Variants in UBR1 observed in about 807,000 individuals in gnomAD.
UBR1 encodes E3 ubiquitin-protein ligase UBR1.
In UBR1, 102 loss-of-function variants were observed where a neutral mutation model predicts 242.1. That is an observed-to-expected ratio of 0.42 (90% CI 0.36 to 0.50). The LOEUF is 0.50. UBR1 is among the 20% of genes least tolerant of loss of function. UBR1 has a pLI of 0.01. For missense variants in UBR1, 1,772 were observed against 2,101.8 expected, an observed-to-expected ratio of 0.84 and a Z score of 3.07; for synonymous variants, 675 against 684.8, an observed-to-expected ratio of 0.99 and a Z score of 0.22.
chr15:43,073,501 C>T (rs1478335184), intron 4 of UBR1, among the ~76,000 whole-genome samples: 1 of 152,150 alleles, frequency 6.6e-6, no homozygotes, highest in East Asian at 1.9e-4. Context: ...ACTAGAGATA[C>T]TTGGTTACCA....
chr15:43,042,961 C>T (rs1029223535), intron 15 of UBR1, among the ~76,000 whole-genome samples: 3 of 152,212 alleles, frequency 2.0e-5, no homozygotes, highest in African/African-American at 4.8e-5. Context: ...TGAGTTACCA[C>T]GTTAGTCCTT....
intron 2 of UBR1, among the ~76,000 whole-genome samples, chr15:43,083,391 G>C (rs1198391013): frequency 6.6e-6 from 1 of 151,058 alleles, no homozygotes; most frequent in East Asian, 1.9e-4. Flanking sequence ...TTTTTCTTTT[G>C]AGACAATCTC....
At chr15:43,005,086 G>A (rs2032790373) in intron 30 of UBR1, among the ~76,000 whole-genome samples, 1 of 152,006 alleles carries the variant, frequency 6.6e-6, no homozygotes, top group Non-Finnish European at 1.5e-5. Flanking sequence ...TCTGGGATGT[G>A]AGGAGTGTCT....
At chr15:43,029,062 G>T (rs2033217320) in intron 21 of UBR1, among the ~76,000 whole-genome samples, 1 of 151,862 alleles carries the variant, frequency 6.6e-6, no homozygotes, top group Non-Finnish European at 1.5e-5. Context: ...TCCAGCCTGG[G>T]TGACAGAGCG....
chr15:43,085,250 T>A (rs566112380), intron 2 of UBR1, among the ~76,000 whole-genome samples: 1 of 152,362 alleles, frequency 6.6e-6, no homozygotes, highest in Admixed American at 6.5e-5. Flanking sequence ...TTATGAATAT[T>A]CACAGATTTC....
chr15:43,099,909 TCTGTCGCCCAGA>T (rs945914749), intron 1 of UBR1, among the ~76,000 whole-genome samples: 1 of 150,526 alleles, frequency 6.6e-6, no homozygotes, highest in African/African-American at 2.5e-5. Context: ...GGAGTCTCAC[TCTGTCGCCCAGA>T]CTGGAGTGCA....
chr15:43,077,245 TG>T (rs1407777299), intron 3 of UBR1, among the ~76,000 whole-genome samples: 3 of 152,038 alleles, frequency 2.0e-5, no homozygotes, highest in Admixed American at 6.5e-5. Context: ...AGAAATCGGA[TG>T]GTTGCCGGGT....
intron 39 of UBR1, among the ~76,000 whole-genome samples, chr15:42,975,976 C>G (rs1173815362): frequency 6.6e-6 from 1 of 152,116 alleles, no homozygotes; most frequent in Non-Finnish European, 1.5e-5. Flanking sequence ...CCTTGGCCTC[C>G]CAAAGTACTG....
At chr15:43,065,537 T>G (rs961324623) in intron 6 of UBR1, among the ~76,000 whole-genome samples, 19 of 151,844 alleles carry the variant, frequency 1.3e-4, no homozygotes, top group Admixed American at 1.3e-4. Flanking sequence ...GGCCCCAGAG[T>G]GTGTTGTTCC....
chr15:43,001,953 AT>A (rs141567758), intron 32 of UBR1, among the ~76,000 whole-genome samples: 2 of 151,854 alleles, frequency 1.3e-5, no homozygotes, highest in African/African-American at 4.8e-5. Context: ...AAAGGAATGA[AT>A]TTTTTTTGCA....
intron 40 of UBR1, among the ~76,000 whole-genome samples, chr15:42,967,164 C>T (rs1386322466): frequency 1.3e-5 from 2 of 151,138 alleles, no homozygotes; most frequent in Admixed American, 6.6e-5. Flanking sequence ...GTGATCCGCC[C>T]GCCTCAGCCT....
chr15:43,065,587 T>C (rs970147706), intron 6 of UBR1, among the ~76,000 whole-genome samples: 1 of 152,198 alleles, frequency 6.6e-6, no homozygotes, highest in African/African-American at 2.4e-5. Context: ...CAGCTCCACT[T>C]ATAAATGACA....
intron 6 of UBR1, among the ~76,000 whole-genome samples, chr15:43,062,335 A>G (rs1221571383): frequency 6.6e-6 from 1 of 152,010 alleles, no homozygotes; most frequent in East Asian, 1.9e-4. Context: ...ATATATGTGT[A>G]TATATATATA....
At chr15:43,031,621 A>G (rs1360550476) in intron 20 of UBR1, among the ~76,000 whole-genome samples, 2 of 152,242 alleles carry the variant, frequency 1.3e-5, no homozygotes, top group African/African-American at 4.8e-5. Flanking sequence ...AAATGAATCC[A>G]TGTTTACAGA....
At chr15:43,064,634 T>A (rs1596126570) in intron 6 of UBR1, among the ~76,000 whole-genome samples, 1 of 151,122 alleles carries the variant, frequency 6.6e-6, no homozygotes, top group East Asian at 1.9e-4. Context: ...TGGAGTGCAG[T>A]GGTGCAATCT....
intron 2 of UBR1, among the ~76,000 whole-genome samples, chr15:43,084,284 C>T (rs1490110080): frequency 1.3e-5 from 2 of 152,066 alleles, no homozygotes; most frequent in Non-Finnish European, 2.9e-5. Context: ...CCAGTACCTT[C>T]ATCCCCAGTT....
Position 42,950,368 on chromosome 15 carries a change from AAG to A in UBR1, c.5007-7_5007-6del, listed in dbSNP as rs1300493752. On this transcript the variant is annotated splice_region_variant and splice_polypyrimidine_tract_variant and intron_variant, in intron 45 of 46. Transcript: ENST00000290650. ...ACCACTCGGCATTCTCTGATTCTGAAAGAGAAAATCAATAGGAAATATGGTTA... is the reference window on the plus strand; with the variant it reads ...ACCACTCGGCATTCTCTGATTCTGAAAGAAAATCAATAGGAAATATGGTTA... The A allele has an allele frequency of 6.2e-7, 1 of 1,612,592 alleles. No homozygotes were observed. The highest frequency in any genetic ancestry group is 1.3e-5 in the African/African-American group (1 of 74,910).
At chr15:43,021,436 G>A in intron 26 of UBR1, 61 bp from the exon 27 acceptor site, 2 of 1,541,610 alleles carry the variant, frequency 1.3e-6, no homozygotes, top group African/African-American at 1.4e-5. Context: ...GGTATCCTCA[G>A]GGAATTGGTT....
rs555128045 is a variant in UBR1 at position 43,040,445 on chromosome 15, T to G, written c.1850-2213A>C. Among the ~76,000 whole-genome samples, 11 of 152,222 alleles carry G rather than the reference T, an allele frequency of 7.2e-5. No homozygotes were observed. In the South Asian group the frequency reaches 2.1e-3, roughly 29 times the overall value. The stretch of plus-strand genomic sequence containing the variant: ...CCTTCCTTACACCTTATACAAAAAT[T>G]AATTCAAGATGGATTAAAGACTTAA... On this transcript the variant is annotated intron_variant, in intron 15 of 46. Transcript: ENST00000290650.
Sources: allele counts gnomAD v4.1 joint callset (sites outside exome capture counted in the v4.1 genomes callset), GRCh38; gene constraint gnomAD v4.1.1; transcripts MANE v1.5; gene names NCBI Gene and HGNC (gene_info 2026-07-23, HGNC 2026-07-21).